The following GLCCI1 variants were observed in gnomAD, a reference collection of about 807,000 sequenced individuals.
GLCCI1 encodes glucocorticoid-induced transcript 1 protein.
In GLCCI1, 24 loss-of-function variants were observed where a neutral mutation model predicts 52.2. The ratio of observed to expected loss-of-function variants is 0.46; its 90% CI spans 0.33 to 0.65. The LOEUF is 0.65. Ranked by LOEUF, GLCCI1 falls within the 30% of genes least tolerant of loss-of-function variation. The probability of loss-of-function intolerance (pLI) is 0.02; values close to 1 mark genes in which losing one functional copy is unlikely to be tolerated. For synonymous variants in GLCCI1, 310 were observed against 276.5 expected, an observed-to-expected ratio of 1.12 and a Z score of -1.20; for missense variants, 704 against 701.5, an observed-to-expected ratio of 1.00 and a Z score of -0.04.
chr7:7,996,395 C>A (rs1780938006), intron 1 of GLCCI1, among the ~76,000 whole-genome samples: 1 of 151,876 alleles, frequency 6.6e-6, no homozygotes, highest in African/African-American at 2.4e-5. Flanking sequence ...TTAAAAAAAT[C>A]TTTTGCCATA....
intron 3 of GLCCI1, among the ~76,000 whole-genome samples, chr7:8,043,866 G>C (rs1221835711): frequency 1.3e-5 from 2 of 151,988 alleles, no homozygotes; most frequent in African/African-American, 4.8e-5. Context: ...CATGAAAATA[G>C]GAAGAATAGT....
At chr7:8,062,610 C>T (rs574981678) in intron 5 of GLCCI1, among the ~76,000 whole-genome samples, 1 of 152,310 alleles carries the variant, frequency 6.6e-6, no homozygotes, top group African/African-American at 2.4e-5. Context: ...AATCCTCACC[C>T]TACTCCCATC....
At position 8,055,959 on chromosome 7, in the gene GLCCI1, C is replaced by T. The variant is rs546846370; in HGVS notation, c.813+410C>T. Among the ~76,000 whole-genome samples the T allele has an allele frequency of 2.8e-5, 4 of 143,680 alleles. No homozygotes were observed. In the East Asian group the frequency reaches 8.4e-4, roughly 30 times the overall value. 94.3% of individuals were successfully genotyped at this position (143,680 alleles called of 152,430 possible). A position where few individuals can be genotyped will look rare whatever the true frequency, so the allele number is the denominator to read the frequency against. ...AGTGAGCCAAGATCGCGCCGCTGCA[C>T]TTCAGCCTGGGCGACAGAGCGAGAC... On this transcript the variant is annotated intron_variant, in intron 4 of 7. Transcript: ENST00000223145.
intron 6 of GLCCI1, among the ~76,000 whole-genome samples, chr7:8,075,070 T>C (rs572860953): frequency 6.6e-6 from 1 of 152,330 alleles, no homozygotes; most frequent in South Asian, 2.1e-4. Context: ...CTAACATCAT[T>C]TTTGTGTGTT....
chr7:8,012,221 A>G (rs551411620), intron 2 of GLCCI1, among the ~76,000 whole-genome samples: 52 of 152,178 alleles, frequency 3.4e-4, no homozygotes, highest in African/African-American at 1.2e-3. Context: ...TATTTCCTAA[A>G]TGATTAATGA....
chr7:7,969,042 G>T lies in GLCCI1; in HGVS notation c.-309G>T. On this transcript the variant is annotated 5_prime_UTR_variant, in exon 1 of 8. Coordinates refer to ENST00000223145, the MANE Select transcript of GLCCI1 (RefSeq NM_138426.4). The surrounding 1 kb of genome is among the most constrained non-coding windows in gnomAD (Gnocchi z 4.9). ...ATCCGGGCCGTTGCCCTGTCAGCAC[G>T]ATGCCTGGAGCGGTGGCGGCGGCGG... is the stretch of plus-strand genomic sequence containing the variant. 1 of 170,080 alleles carries T rather than the reference G, an allele frequency of 5.9e-6. No homozygotes were observed. Among genetic ancestry groups the T allele is most frequent in the Non-Finnish European group, 1.3e-5 (1 of 79,202 alleles). 10.5% of individuals were successfully genotyped at this position (170,080 alleles called of 1,614,324 possible).
intron 2 of GLCCI1, among the ~76,000 whole-genome samples, chr7:8,020,121 T>A (rs922252376): frequency 6.6e-6 from 1 of 152,214 alleles, no homozygotes; most frequent in East Asian, 1.9e-4. Flanking sequence ...TTTACAACCA[T>A]AACAAACTAT....
chr7:8,003,627 A>C (rs1266534348), intron 1 of GLCCI1, among the ~76,000 whole-genome samples: 2 of 152,168 alleles, frequency 1.3e-5, no homozygotes, highest in African/African-American at 4.8e-5. Context: ...TGGGAGTCTT[A>C]ATTAAAATAA....
At chr7:7,988,278 T>TTTTGTTTTG (rs1562418127) in intron 1 of GLCCI1, among the ~76,000 whole-genome samples, 1 of 151,804 alleles carries the variant, frequency 6.6e-6, no homozygotes, top group East Asian at 1.9e-4. Context: ...TGAGCAGAGT[T>TTTTGTTTTG]TTTTGTTTTG....
chr7:8,051,449 G>A (rs1782256376), intron 3 of GLCCI1, among the ~76,000 whole-genome samples: 1 of 152,136 alleles, frequency 6.6e-6, no homozygotes, highest in South Asian at 2.1e-4. Flanking sequence ...CTGCATCCAG[G>A]TAACTGAATT....
At chr7:8,055,648 C>T (rs1347319931) in intron 4 of GLCCI1, 99 bp downstream of exon 4, 121 of 776,348 alleles carry the variant, frequency 1.6e-4, no homozygotes, top group Non-Finnish European at 3.7e-5. Flanking sequence ...AAATATTTAG[C>T]TCTACTAAAT....
chr7:8,014,954 TA>T (rs1344998017), intron 2 of GLCCI1, among the ~76,000 whole-genome samples: 1 of 152,208 alleles, frequency 6.6e-6, no homozygotes, highest in Non-Finnish European at 1.5e-5. Context: ...CAAAAGCACA[TA>T]AAGCAGTTTC....
At chr7:8,062,597 T>G (rs2127961584) in intron 5 of GLCCI1, among the ~76,000 whole-genome samples, 1 of 152,332 alleles carries the variant, frequency 6.6e-6, no homozygotes, top group Non-Finnish European at 1.5e-5. Context: ...AAGGTAGTTT[T>G]TCAATCCTCA....
At position 8,002,060 on chromosome 7, in the gene GLCCI1, CA is replaced by C. The variant is rs1781060050; in HGVS notation, c.458-1847del. Among the ~76,000 whole-genome samples, 3 of 151,506 alleles carry C rather than the reference CA, an allele frequency of 2.0e-5. No individual in the cohort carries two copies. The South Asian group carries it at 6.2e-4, about 32-fold the overall frequency. On this transcript the variant is annotated intron_variant, in intron 1 of 7. Transcript: ENST00000223145. Reference sequence around the variant, plus strand: ...TGTATACCTATGTAACAAATCTGCACATTGTGCACATGTACCCTAGAACTTA... The same window carrying C: ...TGTATACCTATGTAACAAATCTGCACTTGTGCACATGTACCCTAGAACTTA...
chr7:8,011,283 TA>T (rs1004379155), intron 2 of GLCCI1, among the ~76,000 whole-genome samples: 14 of 152,256 alleles, frequency 9.2e-5, no homozygotes, highest in Admixed American at 7.2e-4. Flanking sequence ...ACTCTGTGTT[TA>T]TTAAATACTA....
At chr7:7,995,503 A>G (rs1441568342) in intron 1 of GLCCI1, among the ~76,000 whole-genome samples, 1 of 152,174 alleles carries the variant, frequency 6.6e-6, no homozygotes, top group Non-Finnish European at 1.5e-5. Context: ...GAGCAACCCA[A>G]ATGTCCATCA....
At chr7:8,007,521 A>G (rs1051810223) in intron 2 of GLCCI1, among the ~76,000 whole-genome samples, 1 of 152,124 alleles carries the variant, frequency 6.6e-6, no homozygotes, top group Admixed American at 6.5e-5. Context: ...GTCCTTCCCT[A>G]ACCATTTATT....
Position 8,088,851 on chromosome 7 carries a change from CA to C in GLCCI1, c.*2314del, listed in dbSNP as rs1275658818. The C allele has an allele frequency of 2.0e-5, 3 of 152,600 alleles. No homozygotes were observed. The highest frequency in any genetic ancestry group is 7.2e-5 in the African/African-American group (3 of 41,428). The allele number at this position is 152,600 out of a possible 1,614,324, so 9.5% of individuals were successfully genotyped here. On this transcript the variant is annotated 3_prime_UTR_variant, in exon 8 of 8. Transcript: ENST00000223145. ...CTTACGCTTTGCCATGTAAATTTCC[CA>C]GAAGTTGTTGAGCTCAAATGTATCC...
At chr7:8,071,274 T>C (rs946314106) in intron 6 of GLCCI1, 143 bp downstream of exon 6, 3 of 656,428 alleles carry the variant, frequency 4.6e-6, no homozygotes, top group Admixed American at 3.0e-5. Flanking sequence ...CTTTGTTCAT[T>C]GGTTTCACAT....
Sources: gnomAD v4.1 joint callset for allele counts (sites outside exome capture counted in the v4.1 genomes callset) on GRCh38, gnomAD v4.1.1 for gene constraint, Gnocchi (gnomAD v3.1) non-coding constraint, MANE v1.5 for transcripts, NCBI Gene and HGNC (gene_info 2026-07-23, HGNC 2026-07-21) for gene names.